Variants in CENPC observed in about 807,000 individuals in gnomAD.
CENPC encodes the protein CENP-C 1.
A neutral mutation model predicts 112.1 loss-of-function variants in CENPC; 63 were observed. The ratio of observed to expected loss-of-function variants is 0.56; its 90% CI spans 0.46 to 0.69. CENPC has a LOEUF of 0.69. CENPC is among the 30% of genes least tolerant of loss of function. The probability of loss-of-function intolerance (pLI) is 0.00; values close to 1 mark genes in which losing one functional copy is unlikely to be tolerated. For synonymous variants in CENPC, 333 were observed against 367.6 expected (o/e 0.91, Z 1.08); for missense variants, 1,000 against 1,103.8 (o/e 0.91, Z 1.33).
In CENPC at chr4:67,506,755, T is replaced by C. The variant is rs1305033181; in HGVS notation, c.2051+33A>G. 3 of 1,505,240 alleles carry C rather than the reference T, an allele frequency of 2.0e-6. No homozygotes were observed. The South Asian group carries it at 3.8e-5, about 19-fold the overall frequency. The allele number at this position is 1,505,240 out of a possible 1,614,324, so 93.2% of individuals were successfully genotyped here. ...GTTATACAGCAATGGGTAACTAATA[T>C]ATACAACTATTATCCTTACAATACA... On this transcript the variant is annotated intron_variant, in intron 11 of 18. Transcript: ENST00000273853.
intron 12 of CENPC, among the ~76,000 whole-genome samples, chr4:67,499,834 A>C (rs1161449441): frequency 1.3e-5 from 2 of 152,152 alleles, no homozygotes; most frequent in African/African-American, 4.8e-5. Flanking sequence ...TTTGATTTAA[A>C]GTGAAAAATG....
At position 67,545,425 on chromosome 4, in the gene CENPC, C is replaced by G. The variant is rs1452647067; in HGVS notation, c.-70G>C. On this transcript the variant is annotated 5_prime_UTR_variant, in exon 1 of 19. Transcript: ENST00000273853. ...CACACGGACCACAGCTCCAGGAAGC[C>G]GAGCAAGAAACGAATCGCCGGAATA... 7.7e-6 allele frequency: 11 copies of G among 1,423,298 alleles called. No individual in the cohort carries two copies. The highest frequency in any genetic ancestry group is 1.0e-5 in the Non-Finnish European group (11 of 1,079,362). 88.2% of individuals were successfully genotyped at this position (1,423,298 alleles called of 1,614,324 possible). A position where few individuals can be genotyped will look rare whatever the true frequency, so the allele number is the denominator to read the frequency against.
intron 2 of CENPC, among the ~76,000 whole-genome samples, chr4:67,542,119 T>G (rs1344751895): frequency 2.0e-5 from 3 of 152,194 alleles, no homozygotes; most frequent in Non-Finnish European, 2.9e-5. Context: ...TCAATCAGTA[T>G]AAAATTGACA....
intron 10 of CENPC, among the ~76,000 whole-genome samples, chr4:67,507,424 A>G (rs1358073829): frequency 1.3e-5 from 2 of 152,190 alleles, no homozygotes; most frequent in Non-Finnish European, 2.9e-5. Flanking sequence ...AGGTTCTAGT[A>G]TCCTCCTGGG....
Position 67,509,255 on chromosome 4 carries a change from C to T in CENPC, c.1613-150G>A, listed in dbSNP as rs796679919. 2,974 of 469,820 alleles carry T rather than the reference C, an allele frequency of 6.3e-3. 13 individuals carry two copies. Among genetic ancestry groups the T allele is most frequent in the Non-Finnish European group, 7.8e-3 (2,101 of 269,136 alleles). The allele number at this position is 469,820 out of a possible 1,614,324, so 29.1% of individuals were successfully genotyped here. The stretch of plus-strand genomic sequence containing the variant: ...ACACACACACACACACACACACACA[C>T]ATCTCAGGCTAAATTTATTTCCAAA... On this transcript the variant is annotated intron_variant, in intron 9 of 18. Coordinates refer to ENST00000273853, the MANE Select transcript of CENPC (RefSeq NM_001812.4).
At chr4:67,487,978 T>TA (rs985673825) in intron 17 of CENPC, among the ~76,000 whole-genome samples, 11 of 151,576 alleles carry the variant, frequency 7.3e-5, no homozygotes, top group African/African-American at 9.7e-5. Flanking sequence ...CGAGTCTTAT[T>TA]AAAAAAAACT....
At position 67,539,629 on chromosome 4, in the gene CENPC, A is replaced by G. The variant is rs552821295; in HGVS notation, c.231+211T>C. ...AGTGAAAAATGTTTATTATAATTTG[A>G]TAATTCTAATTCCCATAATCCCAAT... is the stretch of plus-strand genomic sequence containing the variant. On this transcript the variant is annotated intron_variant, in intron 4 of 18. Transcript: ENST00000273853. Among the ~76,000 whole-genome samples, 6 of 152,312 alleles carry G rather than the reference A, an allele frequency of 3.9e-5. No individual in the cohort carries two copies. The South Asian group carries it at 1.2e-3, about 32-fold the overall frequency.
intron 17 of CENPC, among the ~76,000 whole-genome samples, chr4:67,477,577 C>T (rs1724840433): frequency 6.6e-6 from 1 of 152,186 alleles, no homozygotes; most frequent in Admixed American, 6.5e-5. Flanking sequence ...CCAGATGTCT[C>T]CTCTGACACA....
At chr4:67,540,875 AT>A in intron 3 of CENPC, 104 bp downstream of exon 3, 1 of 815,528 alleles carries the variant, frequency 1.2e-6, no homozygotes. Flanking sequence ...TTTTCCATAT[AT>A]TTAAACCCTA....
intron 5 of CENPC, among the ~76,000 whole-genome samples, chr4:67,522,507 G>C (rs1031287882): frequency 6.6e-6 from 1 of 152,020 alleles, no homozygotes; most frequent in Non-Finnish European, 1.5e-5. Context: ...TGGGTTCCAA[G>C]GGCAACTGGA....
intron 4 of CENPC, among the ~76,000 whole-genome samples, chr4:67,539,193 A>C (rs1165995117): frequency 6.6e-6 from 1 of 152,188 alleles, no homozygotes; most frequent in Non-Finnish European, 1.5e-5. Context: ...TAATTTATCA[A>C]GTTTCAGAAG....
At chr4:67,512,595 A>G (rs1475473486) in intron 8 of CENPC, 26 bp from the exon 9 acceptor site, 1 of 1,451,640 alleles carries the variant, frequency 6.9e-7, no homozygotes, top group East Asian at 2.5e-5. Context: ...CCATAAAACC[A>G]ATTCACAATC....
intron 17 of CENPC, among the ~76,000 whole-genome samples, chr4:67,488,235 A>C (rs925603857): frequency 3.3e-5 from 5 of 152,062 alleles, no homozygotes; most frequent in African/African-American, 7.2e-5. Context: ...TAAAATGCTC[A>C]AACTAATTTT....
At chr4:67,535,583 A>T (rs1266231237) in intron 4 of CENPC, among the ~76,000 whole-genome samples, 14 of 152,168 alleles carry the variant, frequency 9.2e-5, no homozygotes. Context: ...AAATGGAAAA[A>T]CCAAAATTAA....
intron 5 of CENPC, among the ~76,000 whole-genome samples, chr4:67,522,871 G>A (rs556892421): frequency 4.6e-5 from 7 of 152,162 alleles, no homozygotes; most frequent in South Asian, 2.1e-4. Context: ...GCAGTGGTGT[G>A]TGCCTATAAT....
intron 16 of CENPC, among the ~76,000 whole-genome samples, chr4:67,491,511 A>AGGGG (rs574725573): frequency 8.7e-6 from 1 of 114,566 alleles, no homozygotes. Context: ...AGAGAGAGAG[A>AGGGG]GAGAGAGAGA....
At chr4:67,534,370 C>T (rs1159057936) in intron 4 of CENPC, among the ~76,000 whole-genome samples, 4 of 152,082 alleles carry the variant, frequency 2.6e-5, no homozygotes, top group Admixed American at 1.3e-4. Context: ...GAGCCGAAAT[C>T]GTGCCACTGC....
chr4:67,538,812 G>C (rs1159015877), intron 4 of CENPC, among the ~76,000 whole-genome samples: 1 of 152,170 alleles, frequency 6.6e-6, no homozygotes, highest in Non-Finnish European at 1.5e-5. Context: ...CATAAGTAAC[G>C]GGACACAGTA....
intron 5 of CENPC, among the ~76,000 whole-genome samples, chr4:67,525,486 A>G (rs1288653860): frequency 6.6e-6 from 1 of 152,192 alleles, no homozygotes; most frequent in Non-Finnish European, 1.5e-5. Flanking sequence ...AAAACAAACA[A>G]TCCCATCAAA....
Sources: allele counts gnomAD v4.1 joint callset (sites outside exome capture counted in the v4.1 genomes callset), GRCh38; gene constraint gnomAD v4.1.1; transcripts MANE v1.5; gene names NCBI Gene and HGNC (gene_info 2026-07-23, HGNC 2026-07-21).